The following TACR1 variants were observed in gnomAD, a reference collection of about 807,000 sequenced individuals.
TACR1 encodes tachykinin receptor 1.
TACR1 carries 25 observed loss-of-function variants against 35.8 expected under a neutral mutation model. The ratio of observed to expected loss-of-function variants is 0.70; its 90% CI spans 0.51 to 0.98. The LOEUF is 0.98. Among genes scored for constraint, TACR1 ranks in the 50% least tolerant of loss-of-function variants. The probability of loss-of-function intolerance (pLI) is 0.00; values close to 1 mark genes in which losing one functional copy is unlikely to be tolerated. For missense variants in TACR1, 478 were observed against 522.9 expected (o/e 0.91, Z 0.84); for synonymous variants, 195 against 206.7 (o/e 0.94, Z 0.48).
rs200655774 is a variant in TACR1 at position 75,198,977 on chromosome 2, C to G, written c.-43G>C. 2,465 of 1,590,602 alleles carry G rather than the reference C, an allele frequency of 1.5e-3. 4 individuals are homozygous for G. Among genetic ancestry groups the G allele is most frequent in the Non-Finnish European group, 1.9e-3 (2,238 of 1,167,206 alleles). Reference sequence around the variant, plus strand: ...AAGCCCTACTATCTGTACACAACCCCCCTCTGCAGCAGAGTCCTGTGGCTG... The same window carrying G: ...AAGCCCTACTATCTGTACACAACCCGCCTCTGCAGCAGAGTCCTGTGGCTG... On this transcript the variant is annotated 5_prime_UTR_variant, in exon 1 of 5. Coordinates refer to ENST00000305249, the MANE Select transcript of TACR1 (RefSeq NM_001058.4).
intron 1 of TACR1, among the ~76,000 whole-genome samples, chr2:75,136,646 T>A (rs978716868): frequency 4.6e-5 from 7 of 152,120 alleles, no homozygotes; most frequent in Non-Finnish European, 8.8e-5. Context: ...TCTCTCAAAG[T>A]CCCCTTACTC....
At chr2:75,177,826 G>C (rs890494377) in intron 1 of TACR1, among the ~76,000 whole-genome samples, 1 of 152,166 alleles carries the variant, frequency 6.6e-6, no homozygotes, top group Non-Finnish European at 1.5e-5. Context: ...CAAATCTCAA[G>C]GCATGCTTCA....
rs1319442150 is a variant in TACR1, at chr2:75,049,453, G to T, written c.1203C>A (p.Phe401Leu). 6.2e-7 allele frequency: 1 copy of T among 1,613,752 alleles called. No homozygotes were observed. Among genetic ancestry groups the T allele is most frequent in the Admixed American group, 1.7e-5 (1 of 60,024 alleles). Reference sequence around the variant, plus strand: ...TGGCCTAGGAGAGCACATTGGAGGAGAAGCTGAAGCTCTCTGTCATGGTCT... The same window carrying T: ...TGGCCTAGGAGAGCACATTGGAGGATAAGCTGAAGCTCTCTGTCATGGTCT... ...DSKTMTESFS[F>L]SSNVLS The change falls in exon 5 of 5, where the codon TTC becomes TTA. Residue 401 changes from phenylalanine (F) to leucine (L), a missense_variant. By Grantham distance (22) the Phe-to-Leu change is conservative (BLOSUM62 0). Coordinates refer to ENST00000305249, the MANE Select transcript of TACR1 (RefSeq NM_001058.4).
At chr2:75,067,126 G>T (rs1672778282) in intron 2 of TACR1, among the ~76,000 whole-genome samples, 1 of 152,194 alleles carries the variant, frequency 6.6e-6, no homozygotes, top group Non-Finnish European at 1.5e-5. Context: ...CAGGAGGTTA[G>T]CTAAGACAGG....
Position 75,188,280 on chromosome 2 carries a change from G to C in TACR1, c.389+10266C>G, listed in dbSNP as rs552797442. On this transcript the variant is annotated intron_variant, in intron 1 of 4. Coordinates refer to ENST00000305249, the MANE Select transcript of TACR1 (RefSeq NM_001058.4). ...TTATGAACACATATTCACTATTCAA[G>C]TGGATGTTTCTCTACAGTAAAATAA... The C allele has an allele frequency of 2.0e-5, 3 of 152,336 alleles. No individual in the cohort carries two copies. In the East Asian group the frequency reaches 5.8e-4, roughly 29 times the overall value. 9.4% of individuals were successfully genotyped at this position (152,336 alleles called of 1,614,324 possible).
chr2:75,125,253 G>A (rs1005634639), intron 1 of TACR1, among the ~76,000 whole-genome samples: 4 of 150,886 alleles, frequency 2.7e-5, no homozygotes, highest in African/African-American at 4.9e-5. Context: ...GTATGATCTC[G>A]GCTCACTGCA....
chr2:75,159,872 C>T (rs956244527), intron 1 of TACR1, among the ~76,000 whole-genome samples: 2 of 152,036 alleles, frequency 1.3e-5, no homozygotes, highest in South Asian at 2.1e-4. Context: ...AACTATTTAC[C>T]GAGCATTTAC....
At chr2:75,126,611 G>A (rs1217502291) in intron 1 of TACR1, among the ~76,000 whole-genome samples, 1 of 152,130 alleles carries the variant, frequency 6.6e-6, no homozygotes, top group East Asian at 1.9e-4. Flanking sequence ...GACACCAAAA[G>A]CAATTGCAAC....
chr2:75,075,333 G>A (rs1030267247), intron 2 of TACR1, among the ~76,000 whole-genome samples: 13 of 152,244 alleles, frequency 8.5e-5, no homozygotes, highest in South Asian at 2.1e-4. Flanking sequence ...GTGTAAATTC[G>A]TGCACCTACT....
chr2:75,125,181 A>T (rs1342242317), intron 1 of TACR1, among the ~76,000 whole-genome samples: 1 of 148,980 alleles, frequency 6.7e-6, no homozygotes. Flanking sequence ...TTTTTTTTCT[A>T]TTCTTTCTTT....
intron 2 of TACR1, among the ~76,000 whole-genome samples, chr2:75,114,011 GA>G (rs1420150887): frequency 1.3e-5 from 2 of 152,080 alleles, no homozygotes; most frequent in Non-Finnish European, 2.9e-5. Flanking sequence ...GCTGATTTTT[GA>G]TAATGAATCA....
intron 1 of TACR1, among the ~76,000 whole-genome samples, chr2:75,127,690 G>A (rs573534299): frequency 6.6e-6 from 1 of 152,312 alleles, no homozygotes; most frequent in South Asian, 2.1e-4. Flanking sequence ...GTTCAAAGAA[G>A]ATTCAGAAAT....
At chr2:75,198,293 A>G (rs1443440237) in intron 1 of TACR1, among the ~76,000 whole-genome samples, 2 of 152,198 alleles carry the variant, frequency 1.3e-5, no homozygotes, top group Non-Finnish European at 2.9e-5. Context: ...GAGATGAAGA[A>G]AGGGGAGTTA....
chr2:75,066,243 A>C (rs1672761041), intron 2 of TACR1, among the ~76,000 whole-genome samples: 1 of 152,202 alleles, frequency 6.6e-6, no homozygotes, highest in South Asian at 2.1e-4. Flanking sequence ...TCCTTTCAAC[A>C]GGAAAAATTA....
chr2:75,125,728 A>G (rs1209824516), intron 1 of TACR1, among the ~76,000 whole-genome samples: 1 of 152,214 alleles, frequency 6.6e-6, no homozygotes, highest in Non-Finnish European at 1.5e-5. Flanking sequence ...ATGTGAGAAT[A>G]ATTATTGCTC....
intron 2 of TACR1, among the ~76,000 whole-genome samples, chr2:75,106,201 A>G (rs1673641888): frequency 6.6e-6 from 1 of 152,076 alleles, no homozygotes; most frequent in Non-Finnish European, 1.5e-5. Flanking sequence ...AAACTCATCG[A>G]AAGTTAACAT....
intron 2 of TACR1, among the ~76,000 whole-genome samples, chr2:75,104,760 A>G (rs990364206): frequency 2.0e-5 from 3 of 152,076 alleles, no homozygotes; most frequent in Non-Finnish European, 4.4e-5. Flanking sequence ...CGACATACAA[A>G]TGGCTTTCAG....
At chr2:75,159,914 C>T (rs541247732) in intron 1 of TACR1, among the ~76,000 whole-genome samples, 1 of 152,162 alleles carries the variant, frequency 6.6e-6, no homozygotes, top group Non-Finnish European at 1.5e-5. Context: ...TTCGCTGGAT[C>T]AGGCACATAA....
chr2:75,141,984 A>G (rs1674416652), intron 1 of TACR1, among the ~76,000 whole-genome samples: 1 of 152,224 alleles, frequency 6.6e-6, no homozygotes, highest in Non-Finnish European at 1.5e-5. Flanking sequence ...GAAAGGAAAC[A>G]TTTATTGCAC....
Sources: gnomAD v4.1 joint callset for allele counts (sites outside exome capture counted in the v4.1 genomes callset) on GRCh38, gnomAD v4.1.1 for gene constraint, MANE v1.5 for transcripts, NCBI Gene and HGNC (gene_info 2026-07-23, HGNC 2026-07-21) for gene names.